EVC: variants seen among roughly 807,000 people sequenced by gnomAD.
The protein encoded by EVC is evC complex member EVC.
A neutral mutation model predicts 118.9 loss-of-function variants in EVC; 116 were observed. The observed-to-expected ratio is 0.98, with a 90% CI of 0.84 to 1.14. EVC has a LOEUF of 1.14. Among genes scored for constraint, EVC ranks in the 50% most tolerant of loss-of-function variants. The pLI is 0.00. For missense variants in EVC, 1,401 were observed against 1,246.4 expected, an observed-to-expected ratio of 1.12 and a Z score of -1.87; for synonymous variants, 619 against 534.7, an observed-to-expected ratio of 1.16 and a Z score of -2.18.
At chr4:5,803,777 A>G (rs540606944) in intron 16 of EVC, among the ~76,000 whole-genome samples, 3 of 152,332 alleles carry the variant, frequency 2.0e-5, no homozygotes, top group Non-Finnish European at 4.4e-5. Context: ...CAGCTAATTA[A>G]GTGTGATGGG....
chr4:5,772,183 A>G (rs1358313716), intron 11 of EVC, among the ~76,000 whole-genome samples: 2 of 152,160 alleles, frequency 1.3e-5, no homozygotes, highest in African/African-American at 4.8e-5. Context: ...GGCGTGAGCC[A>G]CCGTGCCTGG....
intron 3 of EVC, among the ~76,000 whole-genome samples, chr4:5,729,967 G>A (rs773835243): frequency 6.6e-6 from 1 of 152,192 alleles, no homozygotes; most frequent in Non-Finnish European, 1.5e-5. Flanking sequence ...GCTTCCAGGA[G>A]CCCTCAGCCT....
At chr4:5,752,303 G>C (rs1207517982) in intron 8 of EVC, among the ~76,000 whole-genome samples, 1 of 152,172 alleles carries the variant, frequency 6.6e-6, no homozygotes. Context: ...CTGAAATGAT[G>C]AGGTGGGGCT....
intron 12 of EVC, among the ~76,000 whole-genome samples, chr4:5,786,640 A>G (rs1238946174): frequency 6.6e-5 from 10 of 152,278 alleles, no homozygotes; most frequent in South Asian, 2.1e-4. Flanking sequence ...TTGGGAGGCC[A>G]AGACGGGCGG....
In EVC at chr4:5,748,129, G is replaced by A. The variant is rs1729646567; in HGVS notation, c.940-19G>A. The A allele has an allele frequency of 1.9e-6, 3 of 1,614,084 alleles. No homozygotes were observed. Among genetic ancestry groups the A allele is most frequent in the East Asian group, 4.5e-5 (2 of 44,872 alleles). Reference sequence around the variant, plus strand: ...TAAGTTTTTCACCTCACTTCTTGCTGCTTGTGCTCATTTCACAGATGGAAG... The same window carrying A: ...TAAGTTTTTCACCTCACTTCTTGCTACTTGTGCTCATTTCACAGATGGAAG... On this transcript the variant is annotated intron_variant, in intron 7 of 20. Coordinates refer to ENST00000264956, the MANE Select transcript of EVC (RefSeq NM_153717.3).
intron 11 of EVC, among the ~76,000 whole-genome samples, chr4:5,768,815 CCACTGTACTCTAGCCTGGTGACAGAGCAA>C (rs112411830): frequency 0.37 from 55,761 of 151,526 alleles, 10,694 homozygotes; most frequent in Middle Eastern, 0.49. Flanking sequence ...CGAGATCACA[CCACTGTACTCTAGCCTGGTGACAGAGCAA>C]AACTCTGTCT....
intron 5 of EVC, 35 bp from the exon 6 acceptor site, chr4:5,741,681 C>T: frequency 7.6e-7 from 1 of 1,321,420 alleles, no homozygotes; most frequent in African/African-American, 1.4e-5. Context: ...ATTGATTAAA[C>T]TTTTCTTTTG....
chr4:5,769,284 T>G (rs905042093), intron 11 of EVC, among the ~76,000 whole-genome samples: 2 of 152,050 alleles, frequency 1.3e-5, no homozygotes, highest in Admixed American at 1.3e-4. Context: ...CTCATGAGAC[T>G]TACCCACTGT....
At chr4:5,717,608 C>T (rs6848067) in intron 1 of EVC, among the ~76,000 whole-genome samples, 122,110 of 151,970 alleles carry the variant, frequency 0.8, 49,405 homozygotes, top group African/African-American at 0.89. Context: ...CTTCATCATC[C>T]ACCCCAAGAC....
At chr4:5,720,312 G>A (rs560876781) in intron 2 of EVC, among the ~76,000 whole-genome samples, 27 of 152,254 alleles carry the variant, frequency 1.8e-4, no homozygotes, top group Admixed American at 4.6e-4. Flanking sequence ...CAGCAGCCAC[G>A]TGAGGCTGAT....
intron 5 of EVC, among the ~76,000 whole-genome samples, chr4:5,735,577 A>G (rs1013879439): frequency 6.6e-6 from 1 of 152,164 alleles, no homozygotes; most frequent in Non-Finnish European, 1.5e-5. Flanking sequence ...CACAGCAGTG[A>G]TTATTCTGCA....
intron 20 of EVC, 42 bp downstream of exon 20, chr4:5,810,492 G>A (rs374223765): frequency 5.2e-5 from 76 of 1,470,190 alleles, no homozygotes; most frequent in Non-Finnish European, 6.7e-5. Context: ...GCTGGGTTTG[G>A]TAAATGCACT....
chr4:5,721,507 G>A (rs1724955927), intron 2 of EVC, among the ~76,000 whole-genome samples: 1 of 152,014 alleles, frequency 6.6e-6, no homozygotes, highest in African/African-American at 2.4e-5. Context: ...TGCAGCAGAG[G>A]AAAGGGAGGG....
chr4:5,759,579 C>G (rs1731693899), intron 11 of EVC, among the ~76,000 whole-genome samples: 1 of 152,216 alleles, frequency 6.6e-6, no homozygotes, highest in Admixed American at 6.5e-5. Context: ...CCCATCCTCT[C>G]TAAAGCAGTT....
chr4:5,810,415 C>T lies in EVC; in HGVS notation c.2859C>T (p.Asp953=). Residue 953 remains aspartate (D), a synonymous_variant, in exon 20 of 21, where the codon GAC becomes GAT. Coordinates refer to ENST00000264956, the MANE Select transcript of EVC (RefSeq NM_153717.3). ...RGDLGVPNNE[D]LASGDQTSGS... is the part of the protein sequence containing the mutation. ...ACCTGGGGGTGCCCAACAATGAGGA[C>T]CTTGCCTCCGGGGACCAGACCTCAG... 1 of 1,613,450 alleles carries T rather than the reference C, an allele frequency of 6.2e-7. No individual in the cohort carries two copies. The highest frequency in any genetic ancestry group is 8.5e-7 in the Non-Finnish European group (1 of 1,179,876).
chr4:5,730,714 C>T (rs528347274), intron 3 of EVC, among the ~76,000 whole-genome samples: 4 of 151,796 alleles, frequency 2.6e-5, no homozygotes, highest in East Asian at 1.9e-4. Flanking sequence ...GAGGAAGGGA[C>T]GCTTCTGCCC....
In EVC at chr4:5,745,216, C is replaced by T; in HGVS notation, c.814C>T (p.Leu272=). 1.2e-6 allele frequency: 2 copies of T among 1,613,560 alleles called. No individual in the cohort carries two copies. Among genetic ancestry groups the T allele is most frequent in the Non-Finnish European group, 1.7e-6 (2 of 1,179,836 alleles). ...TCTTCTTCTTCAGGATTTGGAGGAA[C>T]TAGAAAAGGGACTTCAGGTCAAACT... The part of the protein sequence containing the change: ...LSKQEKDLEE[L]EKGLQVKLSN... Residue 272 remains leucine (L), a synonymous_variant, in exon 7 of 21, where the codon CTA becomes TTA. Transcript: ENST00000264956.
At chr4:5,770,057 G>A (rs1177528163) in intron 11 of EVC, among the ~76,000 whole-genome samples, 1 of 152,098 alleles carries the variant, frequency 6.6e-6, no homozygotes, top group Admixed American at 6.5e-5. Context: ...GAGAGGCATA[G>A]GGCTCGAGGG....
downstream of EVC, among the ~76,000 whole-genome samples, chr4:5,816,349 C>T (rs539270709): frequency 5.9e-5 from 9 of 152,296 alleles, no homozygotes; most frequent in Admixed American, 1.3e-4. Context: ...GATTTCCTGC[C>T]GTGCTCAGAA....
Sources: allele counts gnomAD v4.1 joint callset (sites outside exome capture counted in the v4.1 genomes callset), GRCh38; gene constraint gnomAD v4.1.1; transcripts MANE v1.5; gene names NCBI Gene and HGNC (gene_info 2026-07-23, HGNC 2026-07-21).